ATP8A2: variants seen among roughly 807,000 people sequenced by gnomAD.
The protein encoded by ATP8A2 is phospholipid-transporting ATPase IB.
Under a neutral mutation model 165.6 loss-of-function variants are expected in ATP8A2, and 100 were observed. That is an observed-to-expected ratio of 0.60 (90% confidence interval 0.51 to 0.71). The LOEUF (loss-of-function observed/expected upper bound fraction) is 0.71. ATP8A2 is among the 30% of genes least tolerant of loss of function. The probability of loss-of-function intolerance (pLI) is 0.00; values close to 1 mark genes in which losing one functional copy is unlikely to be tolerated. For missense variants in ATP8A2, 1,227 were observed against 1,479.5 expected (o/e 0.83, Z 2.80); for synonymous variants, 543 against 548.8 (o/e 0.99, Z 0.15).
intron 1 of ATP8A2, among the ~76,000 whole-genome samples, chr13:25,465,755 C>CTCTTTCTCTCTCTT (rs2035646028): frequency 8.5e-5 from 1 of 11,834 alleles, no homozygotes; most frequent in Non-Finnish European, 2.4e-4. Flanking sequence ...CTCCCTCTCT[C>CTCTTTCTCTCTCTT]TCTCTCTTTC....
At chr13:25,954,295 C>A (rs1206177178) in intron 33 of ATP8A2, among the ~76,000 whole-genome samples, 3 of 152,206 alleles carry the variant, frequency 2.0e-5, no homozygotes, top group African/African-American at 7.2e-5. Flanking sequence ...AGTAGCCAGA[C>A]TGCCTCTCTA....
intron 1 of ATP8A2, among the ~76,000 whole-genome samples, chr13:25,388,276 C>T (rs2033126036): frequency 6.6e-6 from 1 of 152,084 alleles, no homozygotes; most frequent in African/African-American, 2.4e-5. Context: ...AAGGACACTT[C>T]AGCACAGTTC....
At chr13:25,519,695 C>G (rs1249485751) in intron 2 of ATP8A2, among the ~76,000 whole-genome samples, 1 of 152,178 alleles carries the variant, frequency 6.6e-6, no homozygotes, top group African/African-American at 2.4e-5. Flanking sequence ...TTCCATGCAG[C>G]TAAAGCCCCT....
chr13:25,681,259 G>T (rs1387117217), intron 24 of ATP8A2, among the ~76,000 whole-genome samples: 1 of 152,190 alleles, frequency 6.6e-6, no homozygotes, highest in Non-Finnish European at 1.5e-5. Flanking sequence ...CATGACTCCA[G>T]TTTGGATATG....
chr13:25,589,708 T>C lies in ATP8A2; in HGVS notation c.2211+9T>C, dbSNP rs200965649. The C allele has an allele frequency of 1.9e-6, 3 of 1,571,626 alleles. No individual in the cohort carries two copies. Among genetic ancestry groups the C allele is most frequent in the Admixed American group, 3.4e-5 (2 of 59,514 alleles). On this transcript the variant is annotated intron_variant, in intron 24 of 36. Transcript: ENST00000381655. ...AGGAGGACTCTTTGGATGTAAGTAG[T>C]TTTTCAAAGTTGTATTTGCTTTGCT...
At position 25,744,743 on chromosome 13, in the gene ATP8A2, G is replaced by C. The variant is rs140645939; in HGVS notation, c.2385-24303G>C. On this transcript the variant is annotated intron_variant, in intron 25 of 36. Transcript: ENST00000381655. ...GTTTGTAATAAAAACTTGCTACAAG[G>C]CATGTTGTGAAATTAAAATGCATTC... Among the ~76,000 whole-genome samples the C allele has an allele frequency of 3.3e-3, 502 of 152,266 alleles. 5 individuals carry two copies. Among genetic ancestry groups the C allele is most frequent in the African/African-American group, 0.011 (468 of 41,546 alleles).
At chr13:25,924,219 T>C (rs1305380393) in intron 33 of ATP8A2, among the ~76,000 whole-genome samples, 1 of 152,210 alleles carries the variant, frequency 6.6e-6, no homozygotes, top group Non-Finnish European at 1.5e-5. Context: ...TGTAGATATC[T>C]GGATTCATTT....
At chr13:26,005,157 C>T (rs1225549524) in intron 35 of ATP8A2, among the ~76,000 whole-genome samples, 1 of 151,876 alleles carries the variant, frequency 6.6e-6, no homozygotes, top group Non-Finnish European at 1.5e-5. Flanking sequence ...AATCTCCTTC[C>T]TTGTTATTGG....
chr13:25,734,008 C>T (rs1010509682), intron 25 of ATP8A2, among the ~76,000 whole-genome samples: 4 of 152,174 alleles, frequency 2.6e-5, no homozygotes, highest in African/African-American at 9.7e-5. Flanking sequence ...ATGACCTTTT[C>T]CCAATATACA....
chr13:25,681,139 T>C (rs1445917231), intron 24 of ATP8A2, among the ~76,000 whole-genome samples: 3 of 152,114 alleles, frequency 2.0e-5, no homozygotes, highest in Non-Finnish European at 2.9e-5. Context: ...GGGAACTGTT[T>C]AGAAAAAAGA....
At chr13:26,006,486 T>G (rs1362232190) in intron 35 of ATP8A2, among the ~76,000 whole-genome samples, 2 of 152,030 alleles carry the variant, frequency 1.3e-5, no homozygotes, top group Admixed American at 6.5e-5. Context: ...TCTTTCATAT[T>G]TGGATGTATT....
intron 24 of ATP8A2, among the ~76,000 whole-genome samples, chr13:25,612,338 GTTA>G (rs1366390094): frequency 6.6e-6 from 1 of 151,950 alleles, no homozygotes; most frequent in African/African-American, 2.4e-5. Context: ...TTGTACCACT[GTTA>G]TTATTCAGTT....
chr13:25,520,435 A>G (rs1034401063), intron 2 of ATP8A2, among the ~76,000 whole-genome samples: 8 of 152,108 alleles, frequency 5.3e-5, no homozygotes, highest in African/African-American at 1.9e-4. Context: ...ATGGCCACTT[A>G]GGTTGATTCT....
At chr13:25,909,162 C>T (rs1954033440) in intron 33 of ATP8A2, among the ~76,000 whole-genome samples, 1 of 152,076 alleles carries the variant, frequency 6.6e-6, no homozygotes, top group Admixed American at 6.6e-5. Flanking sequence ...ACAGTAAATG[C>T]TGGTGTTCTA....
chr13:25,983,132 G>A (rs1468624203), intron 35 of ATP8A2, among the ~76,000 whole-genome samples: 1 of 152,142 alleles, frequency 6.6e-6, no homozygotes, highest in African/African-American at 2.4e-5. Context: ...GCAATGTTTT[G>A]TAGGCTCTGG....
intron 33 of ATP8A2, among the ~76,000 whole-genome samples, chr13:25,870,414 A>C (rs1401166441): frequency 6.6e-6 from 1 of 152,214 alleles, no homozygotes; most frequent in Non-Finnish European, 1.5e-5. Flanking sequence ...AGCCCTAGCC[A>C]GGGACCATGC....
intron 35 of ATP8A2, among the ~76,000 whole-genome samples, chr13:26,012,102 C>A (rs1386286898): frequency 6.6e-6 from 1 of 152,132 alleles, no homozygotes; most frequent in Non-Finnish European, 1.5e-5. Context: ...TCAAAATAAT[C>A]AAGTTCTGCA....
intron 15 of ATP8A2, among the ~76,000 whole-genome samples, chr13:25,562,417 A>G (rs2039184932): frequency 1.3e-5 from 2 of 152,152 alleles, no homozygotes; most frequent in Admixed American, 6.5e-5. Flanking sequence ...AAGCTTATAC[A>G]CAAGAAACCT....
At chr13:25,880,896 A>G (rs930250224) in intron 33 of ATP8A2, 1 of 455,972 alleles carries the variant, frequency 2.2e-6, no homozygotes, top group Non-Finnish European at 4.4e-6. Context: ...GATAAATTCA[A>G]TCTTTCCTCA....
Sources: gnomAD v4.1 joint callset for allele counts (sites outside exome capture counted in the v4.1 genomes callset) on GRCh38, gnomAD v4.1.1 for gene constraint, MANE v1.5 for transcripts, NCBI Gene and HGNC (gene_info 2026-07-23, HGNC 2026-07-21) for gene names.